COMMD10: variants seen among roughly 807,000 people sequenced by gnomAD.
COMMD10 encodes the protein COMM domain-containing protein 10.
A neutral mutation model predicts 28.9 loss-of-function variants in COMMD10; 33 were observed. That is an observed-to-expected ratio of 1.14 (90% CI 0.87 to 1.53). COMMD10 has a LOEUF of 1.53. Ranked by LOEUF, COMMD10 falls within the 40% of genes most tolerant of loss-of-function variation. The pLI is 0.00. For synonymous variants in COMMD10, 110 were observed against 81.7 expected (o/e 1.35, Z -1.87); for missense variants, 310 against 233.4 (o/e 1.33, Z -2.14).
chr5:116,131,663 T>A (rs1360481586), intron 4 of COMMD10, among the ~76,000 whole-genome samples: 1 of 151,896 alleles, frequency 6.6e-6, no homozygotes, highest in East Asian at 1.9e-4. Flanking sequence ...GATATAAAGG[T>A]GAATAAGACT....
chr5:116,174,139 G>T (rs1418451228), intron 5 of COMMD10, among the ~76,000 whole-genome samples: 5 of 140,214 alleles, frequency 3.6e-5, no homozygotes, highest in Non-Finnish European at 7.5e-5. Flanking sequence ...CTATTTTAGG[G>T]AAGGCTTTTC....
intron 5 of COMMD10, among the ~76,000 whole-genome samples, chr5:116,223,671 G>T (rs1223944589): frequency 6.6e-6 from 1 of 152,148 alleles, no homozygotes; most frequent in Non-Finnish European, 1.5e-5. Flanking sequence ...AAGGGGTTTG[G>T]AGAGAATGTT....
chr5:116,212,328 A>T (rs1241829617), intron 5 of COMMD10, among the ~76,000 whole-genome samples: 1 of 152,146 alleles, frequency 6.6e-6, no homozygotes, highest in Non-Finnish European at 1.5e-5. Context: ...CTCTCCAGGC[A>T]TCCTTTTATC....
intron 5 of COMMD10, among the ~76,000 whole-genome samples, chr5:116,169,494 C>A (rs921798917): frequency 2.6e-5 from 4 of 152,122 alleles, no homozygotes; most frequent in African/African-American, 9.7e-5. Flanking sequence ...ATTTAAGAGG[C>A]CAGCATTATC....
At chr5:116,200,223 A>G (rs1339814968) in intron 5 of COMMD10, among the ~76,000 whole-genome samples, 2 of 151,982 alleles carry the variant, frequency 1.3e-5, no homozygotes, top group East Asian at 3.9e-4. Flanking sequence ...TTTTTCTACT[A>G]TATATACTTT....
chr5:116,291,467 A>T, intron 5 of COMMD10, 50 bp from the exon 6 acceptor site: 3 of 1,239,788 alleles, frequency 2.4e-6, no homozygotes, highest in South Asian at 1.3e-5. Flanking sequence ...AAAAAATGTG[A>T]TGTAAATTGT....
At chr5:116,179,768 A>G (rs1231436881) in intron 5 of COMMD10, among the ~76,000 whole-genome samples, 1 of 152,118 alleles carries the variant, frequency 6.6e-6, no homozygotes, top group African/African-American at 2.4e-5. Flanking sequence ...CAGTTTTATC[A>G]ACTGGAAGGT....
In COMMD10 at chr5:116,153,540, T is replaced by C. The variant is rs191133676; in HGVS notation, c.510+19362T>C. ...TGATCAAGACAATAATGATAATAGA[T>C]AGCATTTATTGACCAATTAATATGT... On this transcript the variant is annotated intron_variant, in intron 5 of 6. Coordinates refer to ENST00000274458, the MANE Select transcript of COMMD10 (RefSeq NM_016144.4). Among the ~76,000 whole-genome samples, 6 of 152,246 alleles carry C rather than the reference T, an allele frequency of 3.9e-5. No homozygotes were observed. In the East Asian group the frequency reaches 1.2e-3, roughly 29 times the overall value.
At chr5:116,268,494 C>G (rs1750663597) in intron 5 of COMMD10, among the ~76,000 whole-genome samples, 1 of 151,908 alleles carries the variant, frequency 6.6e-6, no homozygotes, top group African/African-American at 2.4e-5. Flanking sequence ...CACTTTTACA[C>G]TATTGGTGAG....
chr5:116,087,996 C>A (rs910122941), intron 2 of COMMD10, among the ~76,000 whole-genome samples: 1 of 152,136 alleles, frequency 6.6e-6, no homozygotes, highest in East Asian at 1.9e-4. Context: ...GTGGTATTTT[C>A]TATCAACTGG....
chr5:116,186,379 T>C (rs1748139569), intron 5 of COMMD10, among the ~76,000 whole-genome samples: 1 of 152,072 alleles, frequency 6.6e-6, no homozygotes, highest in Admixed American at 6.6e-5. Flanking sequence ...TGCACAATTC[T>C]ACCTCTCCTT....
At chr5:116,086,685 CCTGGCTTCGGGTGAT>C in intron 1 of COMMD10, among the ~76,000 whole-genome samples, 1 of 152,288 alleles carries the variant, frequency 6.6e-6, no homozygotes, top group Non-Finnish European at 1.5e-5. Flanking sequence ...GTCTGGAACT[CCTGGCTTCGGGTGAT>C]CTGTCCTCCC....
intron 5 of COMMD10, among the ~76,000 whole-genome samples, chr5:116,178,263 GTATT>G (rs1254882774): frequency 7.2e-5 from 11 of 152,020 alleles, no homozygotes; most frequent in African/African-American, 2.7e-4. Flanking sequence ...GCTTAGATAA[GTATT>G]TATTTATTGA....
chr5:116,193,365 TAC>T (rs1288483355), intron 5 of COMMD10, among the ~76,000 whole-genome samples: 1 of 152,184 alleles, frequency 6.6e-6, no homozygotes, highest in African/African-American at 2.4e-5. Flanking sequence ...ACTTAAAAGA[TAC>T]AGAGTGGCAT....
intron 5 of COMMD10, among the ~76,000 whole-genome samples, chr5:116,232,859 C>A (rs116355302): frequency 0.012 from 1,818 of 152,200 alleles, 33 homozygotes; most frequent in African/African-American, 0.041. Flanking sequence ...TCTCAAGCAA[C>A]CTATGAGATA....
At chr5:116,112,422 G>T (rs1016296638) in intron 4 of COMMD10, among the ~76,000 whole-genome samples, 1 of 151,630 alleles carries the variant, frequency 6.6e-6, no homozygotes, top group Non-Finnish European at 1.5e-5. Context: ...TTTTGAGATG[G>T]AGTCGCGTGC....
chr5:116,089,374 G>T (rs1001423860), intron 2 of COMMD10, among the ~76,000 whole-genome samples: 1 of 152,208 alleles, frequency 6.6e-6, no homozygotes, highest in African/African-American at 2.4e-5. Context: ...GAAACCTCAG[G>T]AAAGAGTATG....
At chr5:116,116,720 T>C (rs1393519070) in intron 4 of COMMD10, among the ~76,000 whole-genome samples, 3 of 149,522 alleles carry the variant, frequency 2.0e-5, no homozygotes, top group South Asian at 2.1e-4. Context: ...TTTTTTTTTT[T>C]TTTTTTTTTG....
At chr5:116,150,955 T>A (rs1348117226) in intron 5 of COMMD10, among the ~76,000 whole-genome samples, 3 of 151,894 alleles carry the variant, frequency 2.0e-5, no homozygotes, top group South Asian at 2.1e-4. Context: ...AGTGAAAGCT[T>A]CCAGTTTTTG....
Sources: allele counts gnomAD v4.1 joint callset (sites outside exome capture counted in the v4.1 genomes callset), GRCh38; gene constraint gnomAD v4.1.1; transcripts MANE v1.5; gene names NCBI Gene and HGNC (gene_info 2026-07-23, HGNC 2026-07-21).